POLD3: variants seen among roughly 807,000 people sequenced by gnomAD.
POLD3 encodes the protein DNA polymerase delta 3, accessory subunit, also known as DNA polymerase delta subunit 3.
Under a neutral mutation model 58.2 loss-of-function variants are expected in POLD3, and 19 were observed. That is an observed-to-expected ratio of 0.33 (90% CI 0.23 to 0.48). The LOEUF is 0.48. Among genes scored for constraint, POLD3 ranks in the 20% least tolerant of loss-of-function variants. The pLI is 0.99. For missense variants in POLD3, 504 were observed against 545.5 expected (o/e 0.92, Z 0.76); for synonymous variants, 172 against 193.5 (o/e 0.89, Z 0.92).
At chr11:74,667,715 C>T (rs2033289705) in intron 4 of POLD3, among the ~76,000 whole-genome samples, 1 of 152,164 alleles carries the variant, frequency 6.6e-6, no homozygotes, top group South Asian at 2.1e-4. Flanking sequence ...TTAGACACAA[C>T]ACCAAAGCAT....
intron 7 of POLD3, among the ~76,000 whole-genome samples, chr11:74,622,577 T>C (rs990716823): frequency 6.6e-6 from 1 of 152,240 alleles, no homozygotes; most frequent in African/African-American, 2.4e-5. Context: ...TTATGACTTT[T>C]TTATTGTATT....
Position 74,625,408 on chromosome 11 carries a change from ATAAATT to A in POLD3, c.739_744del (p.Phe247_Lys248del). On this transcript the variant is annotated inframe_deletion and splice_region_variant, in exon 8 of 12. Transcript: ENST00000263681. ...GTCGTCTGCTATACTTTATTTATAG[ATAAATT>A]TAAAGTCAATTTGGACTCAGAACAA... The A allele has an allele frequency of 1.2e-6, 2 of 1,600,142 alleles. No homozygotes were observed. Among genetic ancestry groups the A allele is most frequent in the Non-Finnish European group, 1.7e-6 (2 of 1,173,690 alleles).
chr11:74,611,595 A>G (rs918996311), intron 4 of POLD3, 57 bp downstream of exon 4: 1 of 929,828 alleles, frequency 1.1e-6, no homozygotes, highest in East Asian at 2.6e-5. Context: ...TGTAGGTGCA[A>G]TAAAAAATCT....
Position 74,607,821 on chromosome 11 carries a change from A to G in POLD3, c.219+3027A>G, listed in dbSNP as rs114273957. On this transcript the variant is annotated intron_variant, in intron 3 of 11. Coordinates refer to ENST00000263681, the MANE Select transcript of POLD3 (RefSeq NM_006591.3). ...GGTCTTGAACTTCTAAGTTCAAGTG[A>G]TCTTGAACTTAAGTGATCTGCCCTT... 9.3e-3 allele frequency among the ~76,000 whole-genome samples: 1,407 copies of G among 152,074 alleles called. 18 individuals carry two copies. The highest frequency in any genetic ancestry group is 0.032 in the African/African-American group (1,324 of 41,450).
intron 11 of POLD3, among the ~76,000 whole-genome samples, chr11:74,636,858 T>G (rs556936181): frequency 6.6e-6 from 1 of 152,362 alleles, no homozygotes; most frequent in Middle Eastern, 3.4e-3. Context: ...GTGCTTGTTA[T>G]GAAGGCCTAG....
At chr11:74,648,415 T>C (rs1565132475) in intron 4 of POLD3, among the ~76,000 whole-genome samples, 1 of 152,152 alleles carries the variant, frequency 6.6e-6, no homozygotes, top group Non-Finnish European at 1.5e-5. Flanking sequence ...TTCCTCCTCC[T>C]GTGTAAAGGA....
rs768870621 is a variant in POLD3 at position 74,592,684 on chromosome 11, A to C, written c.26A>C (p.Asn9Thr). 1 of 1,614,014 alleles carries C rather than the reference A, an allele frequency of 6.2e-7. No homozygotes were observed. The highest frequency in any genetic ancestry group is 1.1e-5 in the South Asian group (1 of 91,068). Residue 9 changes from asparagine to threonine, a missense_variant, in exon 1 of 12, where the codon AAT becomes ACT. By Grantham distance (65) the Asn-to-Thr change is moderately conservative. Coordinates refer to ENST00000263681, the MANE Select transcript of POLD3 (RefSeq NM_006591.3). MADQLYLE[N>T]IDEFVTDQNK... ...ATGGCGGACCAGCTTTATCTGGAAAATATAGACGAGTTCGTCACGGACCAA... is the reference window on the plus strand; with the variant it reads ...ATGGCGGACCAGCTTTATCTGGAAACTATAGACGAGTTCGTCACGGACCAA...
At chr11:74,625,960 A>G (rs1191348558) in intron 8 of POLD3, among the ~76,000 whole-genome samples, 2 of 151,950 alleles carry the variant, frequency 1.3e-5, no homozygotes, top group Non-Finnish European at 1.5e-5. Context: ...ATTTAAGAGA[A>G]AAACTTCTTT....
At chr11:74,654,477 G>C (rs939797406) in intron 4 of POLD3, among the ~76,000 whole-genome samples, 3 of 152,154 alleles carry the variant, frequency 2.0e-5, no homozygotes, top group African/African-American at 7.2e-5. Context: ...ATGATGAGCA[G>C]GACTTCTGGA....
At chr11:74,656,957 C>A (rs1418769182) in intron 4 of POLD3, among the ~76,000 whole-genome samples, 1 of 6,796 alleles carries the variant, frequency 1.5e-4, no homozygotes, top group Non-Finnish European at 3.5e-4. Context: ...CTGGCCAGTG[C>A]TGAAAGTAGA....
rs1245042109 is a variant in POLD3 at position 74,640,850 on chromosome 11, A to C, written c.*84A>C. The C allele has an allele frequency of 3.3e-5, 45 of 1,374,812 alleles. No homozygotes were observed. Among genetic ancestry groups the C allele is most frequent in the Non-Finnish European group, 4.2e-5 (45 of 1,059,838 alleles). The allele number at this position is 1,374,812 out of a possible 1,614,324, so 85.2% of individuals were successfully genotyped here. A position where few individuals can be genotyped will look rare whatever the true frequency, so the allele number is the denominator to read the frequency against. On this transcript the variant is annotated 3_prime_UTR_variant, in exon 12 of 12. Transcript: ENST00000263681. ...TACTCCTCACTTACTATGTAAGTTC[A>C]TCTAGATCTCCACCTCACCTGTATC...
chr11:74,663,669 T>C (rs942054616), intron 4 of POLD3, among the ~76,000 whole-genome samples: 4 of 152,158 alleles, frequency 2.6e-5, no homozygotes, highest in African/African-American at 9.7e-5. Context: ...TAGAAGAAAA[T>C]ATATAGAAGA....
chr11:74,622,597 A>G (rs1206759140), intron 7 of POLD3, among the ~76,000 whole-genome samples: 1 of 152,228 alleles, frequency 6.6e-6, no homozygotes, highest in African/African-American at 2.4e-5. Context: ...TCGACACATG[A>G]CAAGATCATT....
Position 74,642,054 on chromosome 11 carries a change from G to A in POLD3, c.*1288G>A. 1 of 985,456 alleles carries A rather than the reference G, an allele frequency of 1.0e-6. No individual in the cohort carries two copies. The highest frequency in any genetic ancestry group is 1.2e-6 in the Non-Finnish European group (1 of 829,944). The allele number at this position is 985,456 out of a possible 1,614,324, so 61.0% of individuals were successfully genotyped here. A position where few individuals can be genotyped will look rare whatever the true frequency, so the allele number is the denominator to read the frequency against. Reference sequence around the variant, plus strand: ...AGGGGTCAGGCTCAACTGCTGATGTGTCTCACACGTAGCAGACAAGGGGTG... The same window carrying A: ...AGGGGTCAGGCTCAACTGCTGATGTATCTCACACGTAGCAGACAAGGGGTG... On this transcript the variant is annotated 3_prime_UTR_variant, in exon 12 of 12. Transcript: ENST00000263681.
intron 7 of POLD3, among the ~76,000 whole-genome samples, chr11:74,622,456 G>A (rs1166920594): frequency 2.0e-5 from 3 of 152,094 alleles, no homozygotes; most frequent in Non-Finnish European, 2.9e-5. Context: ...CATGTAACAC[G>A]GTGAGGGGGA....
chr11:74,635,532 A>G (rs932177910), intron 10 of POLD3, among the ~76,000 whole-genome samples: 2 of 152,282 alleles, frequency 1.3e-5, no homozygotes. Context: ...CTTTAAAAAT[A>G]TCTGGGCATG....
At chr11:74,652,175 T>C (rs932942202) in intron 4 of POLD3, among the ~76,000 whole-genome samples, 1 of 152,208 alleles carries the variant, frequency 6.6e-6, no homozygotes, top group Non-Finnish European at 1.5e-5. Context: ...TAATAACAGC[T>C]CTCATCTGCA....
At chr11:74,626,939 G>T (rs1322932882) in intron 8 of POLD3, among the ~76,000 whole-genome samples, 1 of 152,070 alleles carries the variant, frequency 6.6e-6, no homozygotes, top group Non-Finnish European at 1.5e-5. Flanking sequence ...TGCCAGTCAT[G>T]TGAAAGTATA....
intron 9 of POLD3, among the ~76,000 whole-genome samples, chr11:74,630,051 T>C (rs1325052783): frequency 6.6e-6 from 1 of 152,114 alleles, no homozygotes; most frequent in African/African-American, 2.4e-5. Context: ...CATGGCATAA[T>C]GGGTATAAAA....
Sources: gnomAD v4.1 joint callset for allele counts (sites outside exome capture counted in the v4.1 genomes callset) on GRCh38, gnomAD v4.1.1 for gene constraint, MANE v1.5 for transcripts, NCBI Gene and HGNC (gene_info 2026-07-23, HGNC 2026-07-21) for gene names.